Variants in FAM222A observed in about 807,000 individuals in gnomAD.
The protein encoded by FAM222A is family with sequence similarity 222 member A, also known as protein FAM222A.
In FAM222A, 7 loss-of-function variants were observed where a neutral mutation model predicts 25.8. The ratio of observed to expected loss-of-function variants is 0.27; its 90% CI spans 0.15 to 0.51. The LOEUF (loss-of-function observed/expected upper bound fraction) is 0.51. Ranked by LOEUF, FAM222A falls within the 20% of genes least tolerant of loss-of-function variation. FAM222A has a pLI of 0.97. For synonymous variants in FAM222A, 294 were observed against 298.8 expected, an observed-to-expected ratio of 0.98 and a Z score of 0.17; for missense variants, 573 against 640.5, an observed-to-expected ratio of 0.89 and a Z score of 1.14.
chr12:109,733,051 G>A (rs746853991), intron 1 of FAM222A, among the ~76,000 whole-genome samples: 8 of 152,342 alleles, frequency 5.3e-5, no homozygotes, highest in South Asian at 2.1e-4. Flanking sequence ...GTCAAGGAGG[G>A]TCTCTCGGAG....
chr12:109,741,064 G>A (rs915475221), intron 1 of FAM222A, among the ~76,000 whole-genome samples: 5 of 152,128 alleles, frequency 3.3e-5, no homozygotes, highest in Admixed American at 6.5e-5. Flanking sequence ...GCTCCACGCC[G>A]GGGCCAGAGA....
intron 1 of FAM222A, among the ~76,000 whole-genome samples, chr12:109,731,680 A>G (rs1168468085): frequency 6.6e-6 from 1 of 151,992 alleles, no homozygotes; most frequent in African/African-American, 2.4e-5. Context: ...TGTGTTGCCT[A>G]GTTGGTAAGC....
chr12:109,719,879 C>T (rs1033734087), intron 1 of FAM222A, among the ~76,000 whole-genome samples: 2 of 152,138 alleles, frequency 1.3e-5, no homozygotes, highest in African/African-American at 4.8e-5. Context: ...ATCCCAGTGC[C>T]TTAGAGGCCA....
chr12:109,740,318 C>T (rs1295067617), intron 1 of FAM222A, among the ~76,000 whole-genome samples: 1 of 152,184 alleles, frequency 6.6e-6, no homozygotes, highest in African/African-American at 2.4e-5. Flanking sequence ...GCCCCCATGT[C>T]AGGGAAGGTG....
chr12:109,756,258 A>G (rs548994896), intron 2 of FAM222A, among the ~76,000 whole-genome samples: 22 of 152,262 alleles, frequency 1.4e-4, no homozygotes, highest in African/African-American at 5.1e-4. Flanking sequence ...ATTTTTGTAT[A>G]TTGATCTTGT....
intron 1 of FAM222A, among the ~76,000 whole-genome samples, chr12:109,723,578 C>T (rs1316129092): frequency 1.3e-5 from 2 of 152,226 alleles, no homozygotes; most frequent in Non-Finnish European, 2.9e-5. Flanking sequence ...GCAGTCAGGG[C>T]ACCCAGCACT....
At chr12:109,728,613 G>A (rs565643638) in intron 1 of FAM222A, among the ~76,000 whole-genome samples, 9 of 152,164 alleles carry the variant, frequency 5.9e-5, no homozygotes, top group Non-Finnish European at 1.3e-4. Context: ...TCTGCCAGGT[G>A]TACCCTCACC....
intron 2 of FAM222A, among the ~76,000 whole-genome samples, chr12:109,748,180 C>T (rs1232661665): frequency 6.6e-6 from 1 of 152,136 alleles, no homozygotes. Flanking sequence ...TTTCTTAATA[C>T]TGAACTTATT....
chr12:109,728,152 G>T (rs11829380), intron 1 of FAM222A, among the ~76,000 whole-genome samples: 1 of 152,114 alleles, frequency 6.6e-6, no homozygotes, highest in Non-Finnish European at 1.5e-5. Flanking sequence ...CAGCATTCCT[G>T]CTGCCTCCTG....
intron 2 of FAM222A, among the ~76,000 whole-genome samples, chr12:109,766,479 G>A (rs1331719080): frequency 1.3e-5 from 2 of 152,256 alleles, no homozygotes; most frequent in Non-Finnish European, 2.9e-5. Context: ...CAGGTGAACA[G>A]TAGACTCAAG....
At position 109,768,825 on chromosome 12, in the gene FAM222A, C is replaced by T. The variant is rs201569829; in HGVS notation, c.896C>T (p.Pro299Leu). Residue 299 changes from proline (P) to leucine (L), a missense_variant, in exon 3 of 3, where the codon CCA becomes CTA. By Grantham distance (98) the Pro-to-Leu change is moderately conservative. Around this residue, in one of 3 missense-constraint regions of FAM222A, gnomAD observed 412 missense variants for 407.0 expected, o/e 1.01. Transcript: ENST00000538780. ...AAACCGCCCCCACCGCCGCCCCAGC[C>T]ACTGCGTGCCTACAGTGGGAGCACG... ...PQKPPPPPPQPLRAYSGSTVA... is the reference protein window; with the variant it reads ...PQKPPPPPPQLLRAYSGSTVA... 404 of 1,577,304 alleles carry T rather than the reference C, an allele frequency of 2.6e-4. 1 individual carries two copies. Among genetic ancestry groups the T allele is most frequent in the Non-Finnish European group, 3.3e-4 (384 of 1,168,176 alleles).
chr12:109,757,645 A>G (rs536510442), intron 2 of FAM222A, among the ~76,000 whole-genome samples: 1 of 152,234 alleles, frequency 6.6e-6, no homozygotes, highest in Admixed American at 6.5e-5. Context: ...AAAAAAGACA[A>G]GCCACAAATT....
chr12:109,734,665 T>C (rs1264607406), intron 1 of FAM222A: 1 of 147,610 alleles, frequency 6.8e-6, no homozygotes, highest in African/African-American at 2.5e-5. Flanking sequence ...AAATTAGAAA[T>C]ACAGAGAAGC....
intron 2 of FAM222A, among the ~76,000 whole-genome samples, chr12:109,753,960 G>A (rs1888638262): frequency 6.6e-6 from 1 of 152,248 alleles, no homozygotes; most frequent in Non-Finnish European, 1.5e-5. Context: ...CCTGCCGCAG[G>A]TACCAAGCCT....
rs1157255168 is a variant in FAM222A, at chr12:109,770,241, A to G, written c.*953A>G. 2.0e-5 allele frequency: 3 copies of G among 152,532 alleles called. No homozygotes were observed. Among genetic ancestry groups the G allele is most frequent in the South Asian group, 2.1e-4 (1 of 4,806 alleles). The allele number at this position is 152,532 out of a possible 1,614,324, so 9.4% of individuals were successfully genotyped here. The stretch of plus-strand genomic sequence containing the variant: ...CTCCTTTCCTGCAAACCACCCTCCA[A>G]GGCCTGTCCCACACGATCAAGGCAG... On this transcript the variant is annotated 3_prime_UTR_variant, in exon 3 of 3. Transcript: ENST00000538780.
intron 2 of FAM222A, among the ~76,000 whole-genome samples, chr12:109,755,939 G>C (rs1401180778): frequency 6.6e-6 from 1 of 152,196 alleles, no homozygotes; most frequent in Non-Finnish European, 1.5e-5. Flanking sequence ...CTTCAAGACT[G>C]TTTTGGCTAT....
Position 109,768,439 on chromosome 12 carries a change from C to T in FAM222A, c.510C>T (p.Pro170=), listed in dbSNP as rs1042677031. The change falls in exon 3 of 3, where the codon CCC becomes CCT. Residue 170 remains proline, a synonymous_variant. Coordinates refer to ENST00000538780, the MANE Select transcript of FAM222A (RefSeq NM_032829.3). Reference sequence around the variant, plus strand: ...CACCTGAGGCGCCTGCTCCACCACCCGGCCTGCCCGCAGCCGCCACTGCCG... The same window carrying T: ...CACCTGAGGCGCCTGCTCCACCACCTGGCCTGCCCGCAGCCGCCACTGCCG... ...PKPPEAPAPP[P]GLPAAATAAS... The T allele has an allele frequency of 1.6e-5, 26 of 1,599,356 alleles. No individual in the cohort carries two copies. The highest frequency in any genetic ancestry group is 5.0e-5 in the Admixed American group (3 of 59,876).
rs917941708 is a variant in FAM222A at position 109,744,091 on chromosome 12, C to T, written c.-46-10C>T. 1.1e-5 allele frequency: 18 copies of T among 1,589,070 alleles called. No individual in the cohort carries two copies. The highest frequency in any genetic ancestry group is 4.0e-5 in the African/African-American group (3 of 74,410). On this transcript the variant is annotated splice_polypyrimidine_tract_variant and intron_variant, in intron 1 of 2. Coordinates refer to ENST00000538780, the MANE Select transcript of FAM222A (RefSeq NM_032829.3). Reference sequence around the variant, plus strand: ...CCCAAGTGACAGAGCACCCCATCTTCCTCCTGCAGGGACCCAGTCGCAGAG... The same window carrying T: ...CCCAAGTGACAGAGCACCCCATCTTTCTCCTGCAGGGACCCAGTCGCAGAG...
At chr12:109,763,913 G>A (rs967035390) in intron 2 of FAM222A, among the ~76,000 whole-genome samples, 4 of 152,068 alleles carry the variant, frequency 2.6e-5, no homozygotes, top group South Asian at 2.1e-4. Flanking sequence ...GCCTCCAAAC[G>A]AGAGTCATCA....
Sources: gnomAD v4.1 joint callset for allele counts (sites outside exome capture counted in the v4.1 genomes callset) on GRCh38, gnomAD v4.1.1 for gene constraint, gnomAD v4.1.1 regional missense constraint, MANE v1.5 for transcripts, NCBI Gene and HGNC (gene_info 2026-07-23, HGNC 2026-07-21) for gene names.